Variants in PREX2 observed in about 807,000 individuals in gnomAD.
The protein encoded by PREX2 is phosphatidylinositol 3,4,5-trisphosphate-dependent Rac exchanger 2 protein.
A neutral mutation model predicts 203.2 loss-of-function variants in PREX2; 107 were observed. The observed-to-expected ratio is 0.53, with a 90% confidence interval of 0.45 to 0.62. PREX2 has a LOEUF of 0.62. Among genes scored for constraint, PREX2 ranks in the 20% least tolerant of loss-of-function variants. The probability of loss-of-function intolerance (pLI) is 0.00; values close to 1 mark genes in which losing one functional copy is unlikely to be tolerated. For missense variants in PREX2, 1,777 were observed against 1,955.9 expected, an observed-to-expected ratio of 0.91 and a Z score of 1.72; for synonymous variants, 672 against 663.6, an observed-to-expected ratio of 1.01 and a Z score of -0.19.
chr8:68,135,832 A>C (rs965782132), intron 32 of PREX2, among the ~76,000 whole-genome samples: 2 of 152,228 alleles, frequency 1.3e-5, no homozygotes, highest in South Asian at 4.1e-4. Context: ...TTATATGTCC[A>C]TCAACTGATG....
rs773560075 is a variant in PREX2, at chr8:67,952,428, G to C, written c.34G>C (p.Glu12Gln). Residue 12 changes from glutamate to glutamine, a missense_variant, in exon 1 of 40, where the codon GAG becomes CAG. Glu to Gln is a conservative substitution (Grantham distance 29). Transcript: ENST00000288368. ...GGACAGCCGCGGAGACAGCCGCGCC[G>C]AGAGCGCCAAGGACCTGGAGAAGCA... Reference protein sequence around the residue: ...SEDSRGDSRAESAKDLEKQLR... With the variant: ...SEDSRGDSRAQSAKDLEKQLR... 4 of 1,579,840 alleles carry C rather than the reference G, an allele frequency of 2.5e-6. No homozygotes were observed. Among genetic ancestry groups the C allele is most frequent in the South Asian group, 1.2e-5 (1 of 86,342 alleles).
At chr8:68,137,273 T>C (rs1442188687) in intron 32 of PREX2, among the ~76,000 whole-genome samples, 1 of 151,784 alleles carries the variant, frequency 6.6e-6, no homozygotes, top group African/African-American at 2.4e-5. Context: ...CATTGACATT[T>C]TATTTTTTTT....
At chr8:67,982,721 C>T (rs1252534679) in intron 1 of PREX2, among the ~76,000 whole-genome samples, 4 of 152,154 alleles carry the variant, frequency 2.6e-5, no homozygotes, top group Admixed American at 2.0e-4. Flanking sequence ...TTTATGCATA[C>T]AGCCTCTCAA....
At chr8:67,995,824 C>G (rs1284033778) in intron 1 of PREX2, among the ~76,000 whole-genome samples, 1 of 152,100 alleles carries the variant, frequency 6.6e-6, no homozygotes, top group Non-Finnish European at 1.5e-5. Flanking sequence ...ACATATGTTT[C>G]CATTTTTCTT....
At position 68,148,676 on chromosome 8, in the gene PREX2, G is replaced by A. The variant is rs182499147; in HGVS notation, c.4231+2324G>A. 4.6e-3 allele frequency among the ~76,000 whole-genome samples: 703 copies of A among 152,316 alleles called. 27 individuals carry two copies. The highest frequency in any genetic ancestry group is 0.044 in the Admixed American group (673 of 15,298). ...AAATGTAATTTAAAGAAAAGCTATAGCAAACATTAGGTTTTGGTATGCTCA... is the reference window on the plus strand; with the variant it reads ...AAATGTAATTTAAAGAAAAGCTATAACAAACATTAGGTTTTGGTATGCTCA... On this transcript the variant is annotated intron_variant, in intron 34 of 39. Transcript: ENST00000288368.
intron 1 of PREX2, among the ~76,000 whole-genome samples, chr8:68,002,154 T>C (rs1458404229): frequency 1.3e-5 from 1 of 77,228 alleles, no homozygotes; most frequent in African/African-American, 4.0e-5. Flanking sequence ...TTTCTTTCTT[T>C]CTTTTTTTTT....
intron 37 of PREX2, among the ~76,000 whole-genome samples, chr8:68,211,822 A>T (rs552238439): frequency 1.3e-5 from 2 of 152,286 alleles, no homozygotes; most frequent in African/African-American, 4.8e-5. Context: ...AGTAAGTAGG[A>T]TACTGGGACA....
chr8:68,076,481 G>A (rs1809352977), intron 14 of PREX2, among the ~76,000 whole-genome samples: 1 of 151,800 alleles, frequency 6.6e-6, no homozygotes, highest in African/African-American at 2.4e-5. Flanking sequence ...TTAATTGTTA[G>A]AAAGAGTCCA....
In PREX2 at chr8:68,090,625, C is replaced by T. The variant is rs763407779; in HGVS notation, c.2160C>T (p.Ile720=). ...GTCTTCACCCTGGACAGTGCATTAT[C>T]AAGGTGAATGGAATCAATGTCAGCA... is the stretch of plus-strand genomic sequence containing the variant. ...AAGLHPGQCI[I]KVNGINVSKE... The change falls in exon 20 of 40, where the codon ATC becomes ATT. Residue 720 remains isoleucine (I), a synonymous_variant. Coordinates refer to ENST00000288368, the MANE Select transcript of PREX2 (RefSeq NM_024870.4). 3 of 1,613,732 alleles carry T rather than the reference C, an allele frequency of 1.9e-6. No individual in the cohort carries two copies. Among genetic ancestry groups the T allele is most frequent in the African/African-American group, 2.7e-5 (2 of 75,006 alleles).
In PREX2 at chr8:68,104,029, C is replaced by T. The variant is rs762303728; in HGVS notation, c.2716-4080C>T. ...CTTCCCCTGCCCCACCCCAGTGCTC[C>T]TGCAGTTTGCTTTTCTGCTGTCTTC... is the stretch of plus-strand genomic sequence containing the variant. On this transcript the variant is annotated intron_variant, in intron 23 of 39. Transcript: ENST00000288368. Among the ~76,000 whole-genome samples, 5 of 152,242 alleles carry T rather than the reference C, an allele frequency of 3.3e-5. No individual in the cohort carries two copies. The South Asian group carries it at 8.3e-4, about 25-fold the overall frequency.
Position 68,045,262 on chromosome 8 carries a change from A to G in PREX2, c.943+672A>G, listed in dbSNP as rs528115692. On this transcript the variant is annotated intron_variant, in intron 8 of 39. Coordinates refer to ENST00000288368, the MANE Select transcript of PREX2 (RefSeq NM_024870.4). The stretch of plus-strand genomic sequence containing the variant: ...GTTGTCTCTAAAATAAATACTTAGT[A>G]AAGTGAATTCCATTTTTCCCCAATG... Among the ~76,000 whole-genome samples, 194 of 152,258 alleles carry G rather than the reference A, an allele frequency of 1.3e-3. 3 individuals carry two copies. The highest frequency in any genetic ancestry group is 4.6e-3 in the African/African-American group (191 of 41,564).
chr8:68,211,592 G>A (rs1812743416), intron 37 of PREX2, among the ~76,000 whole-genome samples: 1 of 152,184 alleles, frequency 6.6e-6, no homozygotes, highest in Non-Finnish European at 1.5e-5. Context: ...AATTCACAGA[G>A]GAGATGCAGC....
intron 1 of PREX2, among the ~76,000 whole-genome samples, chr8:67,976,278 C>A (rs993956436): frequency 6.6e-6 from 1 of 152,086 alleles, no homozygotes; most frequent in South Asian, 2.1e-4. Flanking sequence ...ATAGCTCTCT[C>A]GAAGATAGCT....
intron 14 of PREX2, among the ~76,000 whole-genome samples, chr8:68,072,902 GTA>G (rs1331959012): frequency 6.6e-6 from 1 of 152,016 alleles, no homozygotes; most frequent in Non-Finnish European, 1.5e-5. Context: ...TTGTTTTAAA[GTA>G]TCTGTTTATT....
At chr8:67,998,202 A>G (rs961714838) in intron 1 of PREX2, among the ~76,000 whole-genome samples, 5 of 152,142 alleles carry the variant, frequency 3.3e-5, no homozygotes, top group African/African-American at 9.7e-5. Flanking sequence ...GGCTTTCTAC[A>G]CTTCAGAAGT....
intron 37 of PREX2, among the ~76,000 whole-genome samples, chr8:68,194,514 G>T (rs551477568): frequency 1.3e-5 from 2 of 152,042 alleles, no homozygotes; most frequent in South Asian, 2.1e-4. Context: ...GTGGCCGGGC[G>T]CAGTGGCTCA....
At chr8:67,971,123 A>G (rs1196218045) in intron 1 of PREX2, among the ~76,000 whole-genome samples, 1 of 152,142 alleles carries the variant, frequency 6.6e-6, no homozygotes, top group Non-Finnish European at 1.5e-5. Flanking sequence ...GAATAACAGT[A>G]GAGGTAGTTT....
In PREX2 at chr8:68,099,998, C is replaced by T. The variant is rs781157579; in HGVS notation, c.2715+155C>T. 3 of 788,120 alleles carry T rather than the reference C, an allele frequency of 3.8e-6. No homozygotes were observed. In the South Asian group the frequency reaches 4.0e-5, roughly 11 times the overall value. The allele number at this position is 788,120 out of a possible 1,614,324, so 48.8% of individuals were successfully genotyped here. On this transcript the variant is annotated intron_variant, in intron 23 of 39. Coordinates refer to ENST00000288368, the MANE Select transcript of PREX2 (RefSeq NM_024870.4). ...TAACATTTTAGAGTTTTTGAAATGG[C>T]TTAACATCCATTACCTCATTTGATC... is the stretch of plus-strand genomic sequence containing the variant.
chr8:67,997,361 T>C (rs6980638), intron 1 of PREX2, among the ~76,000 whole-genome samples: 97,724 of 151,878 alleles, frequency 0.64, 31,773 homozygotes, highest in African/African-American at 0.72. Flanking sequence ...CCCCTGTCCC[T>C]GTGCATACAT....
Sources: allele counts gnomAD v4.1 joint callset (sites outside exome capture counted in the v4.1 genomes callset), GRCh38; gene constraint gnomAD v4.1.1; transcripts MANE v1.5; gene names NCBI Gene and HGNC (gene_info 2026-07-23, HGNC 2026-07-21).